The following STPG2 variants were observed in gnomAD, a reference collection of about 807,000 sequenced individuals.
STPG2 encodes the protein sperm-tail PG-rich repeat-containing protein 2.
A neutral mutation model predicts 54.2 loss-of-function variants in STPG2; 56 were observed. The ratio of observed to expected loss-of-function variants is 1.03; its 90% confidence interval spans 0.83 to 1.29. The LOEUF is 1.29. Ranked by LOEUF, STPG2 falls within the 50% of genes most tolerant of loss-of-function variation. The pLI, the probability that STPG2 is intolerant of heterozygous loss-of-function variation, is 0.00. For missense variants in STPG2, 596 were observed against 544.9 expected (o/e 1.09, Z -0.93); for synonymous variants, 200 against 181.8 (o/e 1.10, Z -0.81).
chr4:97,541,327 T>C (rs988177595), intron 4 of STPG2, among the ~76,000 whole-genome samples: 22 of 151,948 alleles, frequency 1.4e-4, no homozygotes, highest in Non-Finnish European at 2.4e-4. Context: ...ACACCAATAA[T>C]AGACAAACAG....
intron 10 of STPG2, among the ~76,000 whole-genome samples, chr4:97,610,136 T>C (rs939797718): frequency 6.6e-6 from 1 of 151,880 alleles, no homozygotes; most frequent in African/African-American, 2.4e-5. Context: ...ATATTAAAAA[T>C]TAAGAAAGAA....
chr4:97,521,032 T>G (rs1391451410), intron 4 of STPG2, among the ~76,000 whole-genome samples: 1 of 152,066 alleles, frequency 6.6e-6, no homozygotes, highest in Non-Finnish European at 1.5e-5. Context: ...TTATTAAATT[T>G]TTTAAATGTT....
intron 9 of STPG2, among the ~76,000 whole-genome samples, chr4:97,794,085 A>G (rs1727092880): frequency 6.6e-6 from 1 of 152,120 alleles, no homozygotes; most frequent in South Asian, 2.1e-4. Flanking sequence ...ATTGCTTTGT[A>G]ATATATTTAT....
At chr4:97,443,126 G>A (rs570290567) in intron 4 of STPG2, among the ~76,000 whole-genome samples, 438 of 152,210 alleles carry the variant, frequency 2.9e-3, no homozygotes, top group Non-Finnish European at 4.5e-3. Flanking sequence ...AAGTTTTGAA[G>A]GGCCAGAAAT....
intron 10 of STPG2, among the ~76,000 whole-genome samples, chr4:97,675,962 C>A (rs2148973667): frequency 1.4e-5 from 2 of 143,042 alleles, no homozygotes; most frequent in African/African-American, 2.6e-5. Context: ...ATATAGTATA[C>A]TATATATAGA....
chr4:97,878,231 G>A (rs1730247395), intron 8 of STPG2, among the ~76,000 whole-genome samples: 1 of 152,158 alleles, frequency 6.6e-6, no homozygotes, highest in Admixed American at 6.5e-5. Flanking sequence ...CACAGTGCAA[G>A]CTGTAGGAGG....
At chr4:97,520,168 A>C (rs981635764) in intron 4 of STPG2, among the ~76,000 whole-genome samples, 3 of 152,054 alleles carry the variant, frequency 2.0e-5, no homozygotes, top group African/African-American at 7.2e-5. Flanking sequence ...AGCCACAGTG[A>C]AAGACAGTTG....
At chr4:97,697,615 T>C (rs1051813136) in intron 10 of STPG2, among the ~76,000 whole-genome samples, 1 of 152,212 alleles carries the variant, frequency 6.6e-6, no homozygotes, top group African/African-American at 2.4e-5. Flanking sequence ...AAGGGGGAAC[T>C]TGTTGGGAAC....
At chr4:97,805,927 T>C (rs1727546765) in intron 9 of STPG2, among the ~76,000 whole-genome samples, 1 of 152,036 alleles carries the variant, frequency 6.6e-6, no homozygotes, top group African/African-American at 2.4e-5. Flanking sequence ...TTTCAGCCAC[T>C]GTGGAAAGCA....
chr4:97,819,220 T>G (rs1302205573), intron 9 of STPG2, among the ~76,000 whole-genome samples: 1 of 151,902 alleles, frequency 6.6e-6, no homozygotes, highest in African/African-American at 2.4e-5. Flanking sequence ...TATACATTTT[T>G]GCAGTAGGTT....
chr4:97,966,448 C>A (rs532667078), intron 7 of STPG2, among the ~76,000 whole-genome samples: 1 of 152,182 alleles, frequency 6.6e-6, no homozygotes, highest in Non-Finnish European at 1.5e-5. Flanking sequence ...GGAAAACACT[C>A]TTCACAATAT....
intron 8 of STPG2, among the ~76,000 whole-genome samples, chr4:97,897,683 T>C (rs1380140050): frequency 6.6e-6 from 1 of 152,198 alleles, no homozygotes; most frequent in East Asian, 1.9e-4. Context: ...TTTCATGTGA[T>C]TGCTAGCTGC....
chr4:97,917,646 A>G (rs1731934338), intron 8 of STPG2, among the ~76,000 whole-genome samples: 1 of 152,222 alleles, frequency 6.6e-6, no homozygotes, highest in Non-Finnish European at 1.5e-5. Context: ...ATATTCAGGT[A>G]AAAATATATC....
At chr4:97,905,713 C>A (rs1215546656) in intron 8 of STPG2, among the ~76,000 whole-genome samples, 1 of 152,036 alleles carries the variant, frequency 6.6e-6, no homozygotes, top group Non-Finnish European at 1.5e-5. Flanking sequence ...GGAAACCCAT[C>A]TCACGTGCAG....
intron 4 of STPG2, among the ~76,000 whole-genome samples, chr4:97,490,370 T>C (rs1730478130): frequency 6.6e-6 from 1 of 151,576 alleles, no homozygotes; most frequent in Non-Finnish European, 1.5e-5. Flanking sequence ...CTTCAGCCAT[T>C]GGCAATATTA....
chr4:97,933,468 A>T (rs1011884893), intron 8 of STPG2, among the ~76,000 whole-genome samples: 1 of 151,920 alleles, frequency 6.6e-6, no homozygotes, highest in African/African-American at 2.4e-5. Flanking sequence ...TATTGCCTAG[A>T]TTTTCCCCCA....
At chr4:98,021,115 T>C (rs188276692) in intron 5 of STPG2, among the ~76,000 whole-genome samples, 223 of 151,788 alleles carry the variant, frequency 1.5e-3, no homozygotes, top group Non-Finnish European at 1.1e-3. Context: ...GATGTTAGGG[T>C]GTCAATTTTA....
At chr4:97,441,915 C>G (rs1578300442) in intron 4 of STPG2, among the ~76,000 whole-genome samples, 1 of 151,922 alleles carries the variant, frequency 6.6e-6, no homozygotes, top group Admixed American at 6.6e-5. Flanking sequence ...TTAAAACTTT[C>G]ACAATATAAT....
intron 10 of STPG2, among the ~76,000 whole-genome samples, chr4:97,639,594 G>T (rs949530222): frequency 9.2e-5 from 14 of 151,486 alleles, no homozygotes; most frequent in Non-Finnish European, 1.9e-4. Flanking sequence ...GAATTAAAAT[G>T]GTTTAAACAA....
Sources: gnomAD v4.1 joint callset for allele counts (sites outside exome capture counted in the v4.1 genomes callset) on GRCh38, gnomAD v4.1.1 for gene constraint, MANE v1.5 for transcripts, NCBI Gene and HGNC (gene_info 2026-07-23, HGNC 2026-07-21) for gene names.